The following SLC8A1 variants were observed in gnomAD, a reference collection of about 807,000 sequenced individuals.
SLC8A1 encodes sodium/calcium exchanger 1.
Under a neutral mutation model 68.3 loss-of-function variants are expected in SLC8A1, and 18 were observed. That is an observed-to-expected ratio of 0.26 (90% CI 0.18 to 0.39). SLC8A1 has a LOEUF of 0.39. SLC8A1 is among the 10% of genes least tolerant of loss of function. The pLI, the probability that SLC8A1 is intolerant of heterozygous loss-of-function variation, is 1.00. For missense variants in SLC8A1, 985 were observed against 1,156.7 expected (o/e 0.85, Z 2.15); for synonymous variants, 475 against 415.5 (o/e 1.14, Z -1.74).
chr2:40,151,900 A>AAGT (rs2043509774), intron 6 of SLC8A1, among the ~76,000 whole-genome samples: 6 of 152,044 alleles, frequency 3.9e-5, no homozygotes, highest in African/African-American at 1.5e-4. Flanking sequence ...AAAATTACAG[A>AAGT]TAAGTTAAAC....
rs576580468 is a variant in SLC8A1, at chr2:40,352,035, TG to T, written c.1808+76437del. 2.1e-4 allele frequency among the ~76,000 whole-genome samples: 32 copies of T among 152,334 alleles called. No homozygotes were observed. In the South Asian group the frequency reaches 5.8e-3, roughly 28 times the overall value. Reference sequence around the variant, plus strand: ...AACATGAAAAGGTTTTTAAAACCAATGGACGTTGCTTAAGTCAATCTAGAGA... The same window carrying T: ...AACATGAAAAGGTTTTTAAAACCAATGACGTTGCTTAAGTCAATCTAGAGA... On this transcript the variant is annotated intron_variant, in intron 2 of 7. Coordinates refer to ENST00000406785, the Ensembl canonical transcript of SLC8A1.
At position 40,274,147 on chromosome 2, in the gene SLC8A1, C is replaced by A. The variant is rs546126637; in HGVS notation, c.1809-96292G>T. Among the ~76,000 whole-genome samples the A allele has an allele frequency of 1.9e-4, 29 of 149,904 alleles. No homozygotes were observed. In the South Asian group the frequency reaches 6.1e-3, roughly 32 times the overall value. ...AGGGCCCTCAGAAGATGTGGAACAG[C>A]CCTTGTGGATGGAATAGACTGGGCA... On this transcript the variant is annotated intron_variant, in intron 2 of 7. Coordinates refer to ENST00000406785, the Ensembl canonical transcript of SLC8A1.
At chr2:40,354,734 G>A (rs1189148941) in intron 2 of SLC8A1, among the ~76,000 whole-genome samples, 1 of 152,168 alleles carries the variant, frequency 6.6e-6, no homozygotes, top group Non-Finnish European at 1.5e-5. Flanking sequence ...AAGAAAAAGG[G>A]AGAAAAGAAA....
At chr2:40,124,461 C>T (rs962947978) in intron 7 of SLC8A1, among the ~76,000 whole-genome samples, 1 of 152,200 alleles carries the variant, frequency 6.6e-6, no homozygotes, top group Non-Finnish European at 1.5e-5. Context: ...GCAGGTGACA[C>T]TTGAGGACAC....
intron 2 of SLC8A1, among the ~76,000 whole-genome samples, chr2:40,362,730 T>C (rs565238884): frequency 2.4e-4 from 37 of 152,264 alleles, no homozygotes; most frequent in African/African-American, 7.2e-4. Flanking sequence ...TAAAGTATAA[T>C]CTTTCCTCAA....
At chr2:40,131,858 A>ATTTTTTTTTTTTTT (rs71404277) in intron 7 of SLC8A1, among the ~76,000 whole-genome samples, 2 of 95,554 alleles carry the variant, frequency 2.1e-5, no homozygotes, top group Non-Finnish European at 4.0e-5. Context: ...TTGGTATTCT[A>ATTTTTTTTTTTTTT]TTTTTTTTTT....
intron 2 of SLC8A1, among the ~76,000 whole-genome samples, chr2:40,359,503 C>T (rs1673873413): frequency 6.6e-6 from 1 of 152,032 alleles, no homozygotes; most frequent in South Asian, 2.1e-4. Context: ...ATCTTCGCAG[C>T]TTCTGGGTAG....
chr2:40,263,105 G>A (rs958977350), intron 2 of SLC8A1, among the ~76,000 whole-genome samples: 1 of 152,230 alleles, frequency 6.6e-6, no homozygotes, highest in Admixed American at 6.5e-5. Flanking sequence ...CTACAGAGCA[G>A]AGTGAAAAGC....
intron 2 of SLC8A1, among the ~76,000 whole-genome samples, chr2:40,280,499 A>G (rs555104994): frequency 3.3e-5 from 5 of 152,312 alleles, no homozygotes; most frequent in African/African-American, 1.2e-4. Flanking sequence ...TTTGCCTTCA[A>G]TCATAAAACT....
chr2:40,231,720 TTAAGCTGCCATCTG>T (rs2059672837), intron 2 of SLC8A1, among the ~76,000 whole-genome samples: 1 of 152,162 alleles, frequency 6.6e-6, no homozygotes. Flanking sequence ...ACTCCTCAGG[TTAAGCTGCCATCTG>T]GTGTGTGTAT....
At chr2:40,183,641 T>G (rs879183965) in intron 2 of SLC8A1, among the ~76,000 whole-genome samples, 2 of 152,174 alleles carry the variant, frequency 1.3e-5, no homozygotes, top group Admixed American at 6.5e-5. Context: ...CAGATGACTC[T>G]TATGTATGCT....
intron 2 of SLC8A1, among the ~76,000 whole-genome samples, chr2:40,292,358 T>C (rs1402247771): frequency 2.6e-5 from 4 of 152,138 alleles, no homozygotes; most frequent in African/African-American, 9.7e-5. Context: ...TTGATGGCCT[T>C]TTGGAGGCGT....
chr2:40,170,577 G>A (rs1247388528), intron 4 of SLC8A1, among the ~76,000 whole-genome samples: 2 of 152,156 alleles, frequency 1.3e-5, no homozygotes, highest in East Asian at 1.9e-4. Context: ...TATTTCATGA[G>A]CCAAACAAGA....
chr2:40,279,111 G>A (rs944622244), intron 2 of SLC8A1, among the ~76,000 whole-genome samples: 1 of 152,174 alleles, frequency 6.6e-6, no homozygotes, highest in Non-Finnish European at 1.5e-5. Flanking sequence ...TTTGAAATGT[G>A]TGGTCCATAG....
rs562813733 is a variant in SLC8A1 at position 40,277,946 on chromosome 2, C to T, written c.1809-100091G>A. Among the ~76,000 whole-genome samples the T allele has an allele frequency of 5.3e-5, 8 of 151,424 alleles. No homozygotes were observed. In the East Asian group the frequency reaches 1.2e-3, roughly 22 times the overall value. On this transcript the variant is annotated intron_variant, in intron 2 of 7. Transcript: ENST00000406785. ...CATCATAACATAAATATGTTGTTAT[C>T]CCCATTTTACATACAGAGAAACCAA...
At chr2:40,253,831 CAAAAAAAAAAAAAA>C (rs61434245) in intron 2 of SLC8A1, among the ~76,000 whole-genome samples, 955 of 59,954 alleles carry the variant, frequency 0.016, 33 homozygotes, top group African/African-American at 0.056. Context: ...TGTCTGTCTC[CAAAAAAAAAAAAAA>C]AAAAAAAAAA....
At chr2:40,378,170 C>T (rs1680543569) in intron 2 of SLC8A1, among the ~76,000 whole-genome samples, 1 of 152,042 alleles carries the variant, frequency 6.6e-6, no homozygotes, top group South Asian at 2.1e-4. Context: ...AGAAAAACCA[C>T]TGAAATGCCT....
chr2:40,354,407 A>T (rs1233468031), intron 2 of SLC8A1, among the ~76,000 whole-genome samples: 1 of 152,142 alleles, frequency 6.6e-6, no homozygotes, highest in Non-Finnish European at 1.5e-5. Context: ...TGCACAGCCC[A>T]CCCATCTGCT....
intron 2 of SLC8A1, among the ~76,000 whole-genome samples, chr2:40,236,208 T>C (rs1459316818): frequency 6.6e-6 from 1 of 151,452 alleles, no homozygotes; most frequent in Non-Finnish European, 1.5e-5. Flanking sequence ...GGTGTTAAAG[T>C]CTCCCATTAT....
Sources: gnomAD v4.1 joint callset for allele counts (sites outside exome capture counted in the v4.1 genomes callset) on GRCh38, gnomAD v4.1.1 for gene constraint, MANE v1.5 for transcripts, NCBI Gene and HGNC (gene_info 2026-07-23, HGNC 2026-07-21) for gene names.